The following ROBO1 variants were observed in gnomAD, a reference collection of about 807,000 sequenced individuals.
ROBO1 encodes roundabout homolog 1.
A neutral mutation model predicts 195.9 loss-of-function variants in ROBO1; 149 were observed. The ratio of observed to expected loss-of-function variants is 0.76; its 90% CI spans 0.67 to 0.87. The LOEUF is 0.87. Among genes scored for constraint, ROBO1 ranks in the 40% least tolerant of loss-of-function variants. The probability of loss-of-function intolerance (pLI) is 0.00; values close to 1 mark genes in which losing one functional copy is unlikely to be tolerated. For synonymous variants in ROBO1, 816 were observed against 733.2 expected, an observed-to-expected ratio of 1.11 and a Z score of -1.82; for missense variants, 1,933 against 2,068.3, an observed-to-expected ratio of 0.93 and a Z score of 1.27.
intron 4 of ROBO1, among the ~76,000 whole-genome samples, chr3:78,886,378 C>T (rs560167721): frequency 4.6e-5 from 7 of 152,084 alleles, no homozygotes; most frequent in Admixed American, 4.6e-4. Flanking sequence ...GGGTGGATCC[C>T]GAGGTCAGGA....
chr3:79,080,207 A>AT (rs1369361762), intron 3 of ROBO1, among the ~76,000 whole-genome samples: 87 of 151,926 alleles, frequency 5.7e-4, no homozygotes, highest in African/African-American at 2.1e-3. Flanking sequence ...TTTAAGAAAA[A>AT]TTTCCAAAAC....
intron 3 of ROBO1, among the ~76,000 whole-genome samples, chr3:79,113,403 AAAG>A (rs1181620937): frequency 6.6e-6 from 1 of 151,948 alleles, no homozygotes; most frequent in Non-Finnish European, 1.5e-5. Context: ...TTTTTAATAG[AAAG>A]AAGCTTTTAG....
chr3:78,615,521 A>T (rs1340360219), intron 27 of ROBO1, among the ~76,000 whole-genome samples: 1 of 152,188 alleles, frequency 6.6e-6, no homozygotes, highest in East Asian at 1.9e-4. Flanking sequence ...CTAATTAGAC[A>T]TGGCGTATTT....
intron 3 of ROBO1, among the ~76,000 whole-genome samples, chr3:79,043,777 C>T (rs144029052): frequency 2.2e-4 from 33 of 152,100 alleles, no homozygotes; most frequent in Admixed American, 2.1e-3. Flanking sequence ...ACAAAGAACT[C>T]TTGTCAGAGG....
intron 3 of ROBO1, among the ~76,000 whole-genome samples, chr3:79,046,359 T>C (rs1383144921): frequency 6.6e-6 from 1 of 152,082 alleles, no homozygotes; most frequent in Non-Finnish European, 1.5e-5. Flanking sequence ...CCAGCCAACA[T>C]CTTGAATGCA....
intron 8 of ROBO1, among the ~76,000 whole-genome samples, chr3:78,703,129 G>T (rs368278473): frequency 2.6e-5 from 4 of 152,084 alleles, no homozygotes; most frequent in Non-Finnish European, 4.4e-5. Flanking sequence ...AGTCGTTAGG[G>T]TTACAATGGC....
At chr3:79,020,658 C>T (rs550472218) in intron 3 of ROBO1, among the ~76,000 whole-genome samples, 93 of 152,310 alleles carry the variant, frequency 6.1e-4, no homozygotes, top group Admixed American at 1.5e-3. Flanking sequence ...CTTGCCACTG[C>T]ACTCCAGCCT....
intron 2 of ROBO1, among the ~76,000 whole-genome samples, chr3:79,427,780 A>G (rs1272601274): frequency 2.0e-5 from 3 of 151,404 alleles, no homozygotes; most frequent in Admixed American, 2.0e-4. Context: ...CACCACATAC[A>G]AAAATCACAT....
intron 4 of ROBO1, among the ~76,000 whole-genome samples, chr3:78,855,807 C>CA (rs1378280078): frequency 6.6e-6 from 1 of 151,850 alleles, no homozygotes; most frequent in Non-Finnish European, 1.5e-5. Flanking sequence ...CTAATATGAA[C>CA]AAAGAATTGC....
chr3:79,732,402 TATG>T (rs1319074288), intron 1 of ROBO1, among the ~76,000 whole-genome samples: 2 of 152,116 alleles, frequency 1.3e-5, no homozygotes, highest in Non-Finnish European at 2.9e-5. Flanking sequence ...ATTGTTATTT[TATG>T]ATAAGGAAAT....
chr3:79,282,247 C>G (rs2031568611), intron 2 of ROBO1, among the ~76,000 whole-genome samples: 1 of 152,092 alleles, frequency 6.6e-6, no homozygotes, highest in Non-Finnish European at 1.5e-5. Context: ...AGGTGAAGAA[C>G]AGTGTAAAGG....
rs184692612 is a variant in ROBO1, at chr3:79,613,543, T to A, written c.-50-23582A>T. Among the ~76,000 whole-genome samples the A allele has an allele frequency of 7.6e-3, 1,152 of 152,128 alleles. 9 individuals are homozygous for A. The highest frequency in any genetic ancestry group is 0.017 in the Middle Eastern group (5 of 294). On this transcript the variant is annotated intron_variant, in intron 1 of 30. Coordinates refer to ENST00000464233, the MANE Select transcript of ROBO1 (RefSeq NM_002941.4). ...AAAATGGCAAAATGGCAGATTTAAGTTAAACCATATCAATAATTGCATGAA... is the reference window on the plus strand; with the variant it reads ...AAAATGGCAAAATGGCAGATTTAAGATAAACCATATCAATAATTGCATGAA...
chr3:79,736,855 CT>C (rs1479085387), intron 1 of ROBO1, among the ~76,000 whole-genome samples: 12 of 152,150 alleles, frequency 7.9e-5, no homozygotes, highest in Non-Finnish European at 2.9e-5. Flanking sequence ...GAAAATGTCC[CT>C]GAATCATTTA....
intron 14 of ROBO1, among the ~76,000 whole-genome samples, chr3:78,667,116 T>C (rs1707782207): frequency 6.6e-6 from 1 of 152,166 alleles, no homozygotes; most frequent in Non-Finnish European, 1.5e-5. Flanking sequence ...GGTTGTAATC[T>C]AAAAATTCAT....
intron 1 of ROBO1, among the ~76,000 whole-genome samples, chr3:79,695,764 T>C (rs371514458): frequency 6.6e-6 from 1 of 151,518 alleles, no homozygotes; most frequent in South Asian, 2.1e-4. Flanking sequence ...AGAAATTATG[T>C]TGAAATGCTT....
At chr3:79,688,902 A>G (rs572551536) in intron 1 of ROBO1, among the ~76,000 whole-genome samples, 2 of 152,166 alleles carry the variant, frequency 1.3e-5, no homozygotes, top group Admixed American at 1.3e-4. Flanking sequence ...GACAAAAACT[A>G]ACCAAATTAT....
chr3:79,238,643 CAT>C (rs1404016705), intron 2 of ROBO1, among the ~76,000 whole-genome samples: 3 of 152,170 alleles, frequency 2.0e-5, no homozygotes, highest in Non-Finnish European at 4.4e-5. Context: ...AACTTCCTGA[CAT>C]AGTTTTAAGT....
chr3:79,138,141 T>A (rs565115447), intron 2 of ROBO1, among the ~76,000 whole-genome samples: 10 of 152,168 alleles, frequency 6.6e-5, no homozygotes, highest in South Asian at 2.1e-4. Flanking sequence ...ACATTGAGAT[T>A]TTTTTGATAA....
At chr3:79,396,642 T>C (rs770929801) in intron 2 of ROBO1, among the ~76,000 whole-genome samples, 1 of 152,004 alleles carries the variant, frequency 6.6e-6, no homozygotes, top group Non-Finnish European at 1.5e-5. Context: ...TAAGAATAAA[T>C]GAAGGAAAAG....
Sources: allele counts gnomAD v4.1 joint callset (sites outside exome capture counted in the v4.1 genomes callset), GRCh38; gene constraint gnomAD v4.1.1; transcripts MANE v1.5; gene names NCBI Gene and HGNC (gene_info 2026-07-23, HGNC 2026-07-21).